Variants in POLN observed in about 807,000 individuals in gnomAD.
POLN encodes DNA polymerase nu, also known as DNA polymerase N.
Under a neutral mutation model 113.5 loss-of-function variants are expected in POLN, and 108 were observed. The observed-to-expected ratio is 0.95, with a 90% confidence interval of 0.81 to 1.12. The LOEUF (loss-of-function observed/expected upper bound fraction) is 1.12, where lower values mean the gene tolerates loss of function less well. POLN is among the 50% of genes most tolerant of loss of function. The pLI is 0.00. For missense variants in POLN, 1,097 were observed against 1,077.1 expected (o/e 1.02, Z -0.26); for synonymous variants, 386 against 391.5 (o/e 0.99, Z 0.17).
chr4:2,160,732 T>G (rs1175911235), intron 13 of POLN, among the ~76,000 whole-genome samples: 2 of 152,170 alleles, frequency 1.3e-5, no homozygotes, highest in East Asian at 3.9e-4. Flanking sequence ...AATGATGTCT[T>G]TTCATAATTA....
At chr4:2,086,924 C>T (rs554763614) in intron 20 of POLN, among the ~76,000 whole-genome samples, 4 of 152,200 alleles carry the variant, frequency 2.6e-5, no homozygotes, top group East Asian at 1.9e-4. Context: ...AGGGAAGAAC[C>T]CTCTGGAGGA....
At chr4:2,098,869 G>T (rs996422563) in intron 19 of POLN, among the ~76,000 whole-genome samples, 1 of 152,206 alleles carries the variant, frequency 6.6e-6, no homozygotes, top group Admixed American at 6.5e-5. Flanking sequence ...ATCTTTTAGT[G>T]CCAGAAAGCA....
At position 2,190,023 on chromosome 4, in the gene POLN, C is replaced by CA. The variant is rs58730240; in HGVS notation, c.1021+3180dup. 9.0e-3 allele frequency among the ~76,000 whole-genome samples: 770 copies of CA among 85,808 alleles called. 6 individuals carry two copies. The highest frequency in any genetic ancestry group is 0.015 in the Non-Finnish European group (510 of 33,930). The allele number at this position is 85,808 out of a possible 152,430, so 56.3% of individuals were successfully genotyped here. ...CTGGCAACAGAGCAAGACTCCATCT[C>CA]AAAAAAAAAAAAAAAAAAAGAAATA... On this transcript the variant is annotated intron_variant, in intron 7 of 25. Transcript: ENST00000511885.
At chr4:2,073,274 G>A (rs1422820083) in intron 24 of POLN, among the ~76,000 whole-genome samples, 1 of 152,176 alleles carries the variant, frequency 6.6e-6, no homozygotes, top group African/African-American at 2.4e-5. Context: ...GCCTCTCGCA[G>A]GCCCCTTGGC....
chr4:2,072,325 C>A (rs1730166995), intron 25 of POLN, 26 bp from the exon 26 acceptor site: 9 of 1,502,626 alleles, frequency 6.0e-6, no homozygotes, highest in Non-Finnish European at 8.0e-6. Context: ...AGAGGTGAGC[C>A]CCACGCCTGG....
chr4:2,240,777 T>G, intron 2 of POLN: 1 of 1,613,870 alleles, frequency 6.2e-7, no homozygotes, highest in Non-Finnish European at 8.5e-7. Context: ...AGCTTCCAAT[T>G]CTCTTTCAGA....
At chr4:2,185,042 C>G (rs978122857) in intron 7 of POLN, among the ~76,000 whole-genome samples, 1 of 152,004 alleles carries the variant, frequency 6.6e-6, no homozygotes, top group African/African-American at 2.4e-5. Context: ...AAGGGGATTT[C>G]TCTTTATGTA....
chr4:2,233,934 T>C (rs1203183679), intron 2 of POLN, among the ~76,000 whole-genome samples: 1 of 152,052 alleles, frequency 6.6e-6, no homozygotes, highest in Non-Finnish European at 1.5e-5. Context: ...AAAGTGTATA[T>C]ACCACCCTGG....
At chr4:2,237,412 G>C (rs1734805441) in intron 2 of POLN, among the ~76,000 whole-genome samples, 1 of 151,472 alleles carries the variant, frequency 6.6e-6, no homozygotes, top group Admixed American at 6.6e-5. Flanking sequence ...CTCCTACCTA[G>C]GCAAGAGAGT....
intron 24 of POLN, 122 bp downstream of exon 24, chr4:2,075,330 G>T: frequency 9.5e-7 from 1 of 1,054,530 alleles, no homozygotes; most frequent in Non-Finnish European, 1.4e-6. Context: ...CAGCAATGAG[G>T]TGGGGCAGGG....
chr4:2,116,528 CCTT>C (rs1731321434), intron 19 of POLN, among the ~76,000 whole-genome samples: 1 of 147,594 alleles, frequency 6.8e-6, no homozygotes, highest in Non-Finnish European at 1.5e-5. Context: ...AGAAATTAAT[CCTT>C]CTTCTCATGA....
At chr4:2,130,150 G>T (rs1731684886) in intron 17 of POLN, among the ~76,000 whole-genome samples, 1 of 152,016 alleles carries the variant, frequency 6.6e-6, no homozygotes, top group African/African-American at 2.4e-5. Flanking sequence ...AGCTACTAGG[G>T]AGGCTGAGGC....
chr4:2,100,097 AAG>A (rs1185829821), intron 19 of POLN, among the ~76,000 whole-genome samples: 2 of 151,470 alleles, frequency 1.3e-5, no homozygotes, highest in African/African-American at 2.4e-5. Flanking sequence ...AAAAAGAAAA[AAG>A]AGAGAGAGAG....
intron 16 of POLN, among the ~76,000 whole-genome samples, chr4:2,138,571 G>A (rs1731917230): frequency 6.6e-6 from 1 of 152,174 alleles, no homozygotes. Context: ...CACCCCCACA[G>A]GGTAGCTCAG....
rs904231002 is a variant in POLN at position 2,127,386 on chromosome 4, T to G, written c.1982+727A>C. 2.0e-5 allele frequency among the ~76,000 whole-genome samples: 3 copies of G among 152,102 alleles called. No homozygotes were observed. Among genetic ancestry groups the G allele is most frequent in the African/African-American group, 7.2e-5 (3 of 41,406 alleles). On this transcript the variant is annotated intron_variant, in intron 19 of 25. Transcript: ENST00000511885. The surrounding 1 kb of genome is among the most constrained non-coding windows in gnomAD (Gnocchi z 4.7). ...ACTCCTCCTTTTTTCTGGAGTATAA[T>G]CTCTCCACCTCCCTTGCAGCTGGTG...
At chr4:2,124,351 C>T (rs1010993510) in intron 19 of POLN, among the ~76,000 whole-genome samples, 3 of 152,116 alleles carry the variant, frequency 2.0e-5, no homozygotes, top group Admixed American at 6.5e-5. Context: ...CTCACTGCAG[C>T]CTCAACCTGG....
intron 2 of POLN, chr4:2,238,797 G>A (rs776752816): frequency 6.2e-7 from 1 of 1,613,272 alleles, no homozygotes; most frequent in Non-Finnish European, 8.5e-7. Context: ...AACTGTAGAA[G>A]TTCAAATGAT....
At chr4:2,214,212 G>T (rs1490370204) in intron 3 of POLN, among the ~76,000 whole-genome samples, 4 of 151,956 alleles carry the variant, frequency 2.6e-5, no homozygotes, top group Non-Finnish European at 5.9e-5. Flanking sequence ...CTCCAGCCTG[G>T]GTTACAGGGC....
At chr4:2,144,587 T>C (rs990878918) in intron 16 of POLN, among the ~76,000 whole-genome samples, 2 of 152,182 alleles carry the variant, frequency 1.3e-5, no homozygotes, top group African/African-American at 2.4e-5. Context: ...TTAAATAATA[T>C]ATACACTACT....
Sources: gnomAD v4.1 joint callset for allele counts (sites outside exome capture counted in the v4.1 genomes callset) on GRCh38, gnomAD v4.1.1 for gene constraint, Gnocchi (gnomAD v3.1) non-coding constraint, MANE v1.5 for transcripts, NCBI Gene and HGNC (gene_info 2026-07-23, HGNC 2026-07-21) for gene names.